The following CADPS2 variants were observed in gnomAD, a reference collection of about 807,000 sequenced individuals.
CADPS2 encodes calcium dependent secretion activator 2.
CADPS2 carries 93 observed loss-of-function variants against 172.5 expected under a neutral mutation model. The observed-to-expected ratio is 0.54, with a 90% CI of 0.46 to 0.64. CADPS2 has a LOEUF of 0.64. Ranked by LOEUF, CADPS2 falls within the 30% of genes least tolerant of loss-of-function variation. CADPS2 has a pLI of 0.00. For missense variants in CADPS2, 1,420 were observed against 1,565.9 expected, an observed-to-expected ratio of 0.91 and a Z score of 1.57; for synonymous variants, 546 against 555.2, an observed-to-expected ratio of 0.98 and a Z score of 0.23.
At chr7:122,786,618 C>T (rs1314654762) in intron 1 of CADPS2, among the ~76,000 whole-genome samples, 2 of 152,060 alleles carry the variant, frequency 1.3e-5, no homozygotes, top group African/African-American at 2.4e-5. Flanking sequence ...GATAATTTTG[C>T]CTTTCAATTT....
At chr7:122,536,957 G>A (rs539654408) in intron 8 of CADPS2, among the ~76,000 whole-genome samples, 4 of 152,024 alleles carry the variant, frequency 2.6e-5, no homozygotes, top group East Asian at 1.9e-4. Flanking sequence ...ACTTATAAGC[G>A]GGAGATAAAT....
At chr7:122,835,217 G>A (rs1309541927) in intron 1 of CADPS2, among the ~76,000 whole-genome samples, 1 of 152,202 alleles carries the variant, frequency 6.6e-6, no homozygotes, top group East Asian at 1.9e-4. Flanking sequence ...ACCTGCAGCT[G>A]AAGGTCCTGA....
intron 1 of CADPS2, among the ~76,000 whole-genome samples, chr7:122,816,402 T>C (rs1801421318): frequency 6.6e-6 from 1 of 152,216 alleles, no homozygotes; most frequent in African/African-American, 2.4e-5. Flanking sequence ...ATAATATCCC[T>C]GTGGGTACAT....
At chr7:122,603,062 A>C (rs2073020229) in intron 6 of CADPS2, among the ~76,000 whole-genome samples, 1 of 152,086 alleles carries the variant, frequency 6.6e-6, no homozygotes, top group East Asian at 1.9e-4. Flanking sequence ...GCAGATATAA[A>C]TCTTCAATGA....
At chr7:122,550,794 A>C (rs2064183995) in intron 8 of CADPS2, among the ~76,000 whole-genome samples, 1 of 152,094 alleles carries the variant, frequency 6.6e-6, no homozygotes, top group Non-Finnish European at 1.5e-5. Flanking sequence ...CAGGAAAATA[A>C]ATTCAAAAGC....
intron 1 of CADPS2, among the ~76,000 whole-genome samples, chr7:122,844,195 C>T (rs1811345249): frequency 6.6e-6 from 1 of 152,186 alleles, no homozygotes; most frequent in Admixed American, 6.5e-5. Flanking sequence ...TTAACTGTTA[C>T]AAGGCAAGAG....
At chr7:122,649,958 G>A (rs1351791969) in intron 3 of CADPS2, among the ~76,000 whole-genome samples, 1 of 121,708 alleles carries the variant, frequency 8.2e-6, no homozygotes, top group Non-Finnish European at 1.6e-5. Flanking sequence ...AGCGCAGGCT[G>A]GAGTGCAGTG....
rs560542372 is a variant in CADPS2, at chr7:122,321,117, A to T, written c.3718-779T>A. Among the ~76,000 whole-genome samples the T allele has an allele frequency of 1.5e-4, 23 of 152,358 alleles. 1 individual carries two copies. In the South Asian group the frequency reaches 4.8e-3, roughly 32 times the overall value. On this transcript the variant is annotated intron_variant, in intron 29 of 29. Coordinates refer to ENST00000449022, the MANE Select transcript of CADPS2 (RefSeq NM_017954.11). Reference sequence around the variant, plus strand: ...CAACAATATTTTTCTGTGGCACTTAAAATATTAATCTATAATGTTTCCCTT... The same window carrying T: ...CAACAATATTTTTCTGTGGCACTTATAATATTAATCTATAATGTTTCCCTT...
intron 7 of CADPS2, among the ~76,000 whole-genome samples, chr7:122,564,405 T>A (rs571029582): frequency 4.6e-5 from 7 of 152,068 alleles, no homozygotes; most frequent in African/African-American, 1.4e-4. Flanking sequence ...GCCTCCTAGG[T>A]TCAAGCAATT....
At chr7:122,793,721 G>A (rs37894) in intron 1 of CADPS2, among the ~76,000 whole-genome samples, 30,657 of 152,008 alleles carry the variant, frequency 0.2, 3,889 homozygotes, top group African/African-American at 0.36. Context: ...GCTTCATAGC[G>A]TCACTGGTCT....
intron 25 of CADPS2, among the ~76,000 whole-genome samples, chr7:122,371,430 G>C (rs1284292039): frequency 6.6e-6 from 1 of 152,136 alleles, no homozygotes; most frequent in Non-Finnish European, 1.5e-5. Flanking sequence ...GTGCAAGCAG[G>C]GGAAATGCCA....
At chr7:122,863,037 C>T (rs1027652452) in intron 1 of CADPS2, among the ~76,000 whole-genome samples, 11 of 152,082 alleles carry the variant, frequency 7.2e-5, no homozygotes, top group Non-Finnish European at 1.6e-4. Flanking sequence ...ATAGTTTTTG[C>T]ATATAGCCTT....
At chr7:122,520,225 TTTA>T (rs1422960006) in intron 8 of CADPS2, among the ~76,000 whole-genome samples, 1 of 152,058 alleles carries the variant, frequency 6.6e-6, no homozygotes, top group African/African-American at 2.4e-5. Flanking sequence ...TGGCAATAGA[TTTA>T]TTGAGTAAAA....
chr7:122,758,411 A>G (rs1469869063), intron 1 of CADPS2, among the ~76,000 whole-genome samples: 1 of 152,216 alleles, frequency 6.6e-6, no homozygotes, highest in Non-Finnish European at 1.5e-5. Flanking sequence ...TCGCGTATGT[A>G]TTATAATGAC....
intron 9 of CADPS2, among the ~76,000 whole-genome samples, chr7:122,498,390 A>C (rs893153133): frequency 6.6e-6 from 1 of 152,182 alleles, no homozygotes; most frequent in African/African-American, 2.4e-5. Flanking sequence ...TGACTATATC[A>C]ATTTAAAAAT....
chr7:122,719,325 C>T (rs1011653487), intron 2 of CADPS2, among the ~76,000 whole-genome samples: 7 of 152,106 alleles, frequency 4.6e-5, no homozygotes, highest in African/African-American at 7.2e-5. Flanking sequence ...AAGTCCCCAA[C>T]ACAGCCTTCC....
chr7:122,582,260 C>A (rs2132894952), intron 6 of CADPS2, among the ~76,000 whole-genome samples: 1 of 152,128 alleles, frequency 6.6e-6, no homozygotes, highest in African/African-American at 2.4e-5. Context: ...TTTTATAAAT[C>A]TCATTCGGAG....
intron 2 of CADPS2, chr7:122,702,837 G>A: frequency 1.0e-6 from 1 of 999,180 alleles, no homozygotes; most frequent in Non-Finnish European, 1.5e-6. Flanking sequence ...CTTGTTGGCG[G>A]CAGATTACTA....
intron 14 of CADPS2, among the ~76,000 whole-genome samples, chr7:122,467,018 A>T (rs2055234584): frequency 1.3e-5 from 2 of 152,174 alleles, no homozygotes; most frequent in South Asian, 4.1e-4. Context: ...TTGCTAGGAA[A>T]GTCTGCTTAA....
Sources: gnomAD v4.1 joint callset for allele counts (sites outside exome capture counted in the v4.1 genomes callset) on GRCh38, gnomAD v4.1.1 for gene constraint, MANE v1.5 for transcripts, NCBI Gene and HGNC (gene_info 2026-07-23, HGNC 2026-07-21) for gene names.